Variants in PRR16 observed in about 807,000 individuals in gnomAD.
The protein encoded by PRR16 is proline rich 16.
A neutral mutation model predicts 18.2 loss-of-function variants in PRR16; 6 were observed. The ratio of observed to expected loss-of-function variants is 0.33; its 90% CI spans 0.18 to 0.65. The LOEUF is 0.65. PRR16 is among the 30% of genes least tolerant of loss of function. The pLI is 0.74. For synonymous variants in PRR16, 151 were observed against 147.8 expected (o/e 1.02, Z -0.16); for missense variants, 412 against 376.6 (o/e 1.09, Z -0.78).
chr5:120,667,585 G>T (rs1432076083), intron 1 of PRR16, among the ~76,000 whole-genome samples: 2 of 150,382 alleles, frequency 1.3e-5, no homozygotes, highest in East Asian at 3.9e-4. Context: ...TTCTCTTGTG[G>T]GCATTTAGTG....
chr5:120,671,201 C>A (rs1756590830), intron 1 of PRR16, among the ~76,000 whole-genome samples: 1 of 152,158 alleles, frequency 6.6e-6, no homozygotes, highest in Non-Finnish European at 1.5e-5. Flanking sequence ...AAATCTTCTT[C>A]TTTTACTGTG....
chr5:120,476,949 C>A (rs1393494476), intron 1 of PRR16, among the ~76,000 whole-genome samples: 6 of 152,142 alleles, frequency 3.9e-5, no homozygotes, highest in Non-Finnish European at 8.8e-5. Flanking sequence ...TTGTCAGTGA[C>A]TCCATGTTAT....
the PRR16 span, among the ~76,000 whole-genome samples, chr5:120,753,941 T>TAC: frequency 1.6e-4 from 1 of 6,342 alleles, no homozygotes; most frequent in Non-Finnish European, 4.2e-3. Context: ...TTATATATAA[T>TAC]ATATGTTATA....
At chr5:120,624,121 A>G (rs1260233561) in intron 1 of PRR16, among the ~76,000 whole-genome samples, 1 of 152,062 alleles carries the variant, frequency 6.6e-6, no homozygotes, top group Non-Finnish European at 1.5e-5. Context: ...CTCTTAATTC[A>G]CAGATAAGGA....
At chr5:120,783,998 CAT>C in the PRR16 span, among the ~76,000 whole-genome samples, 200 of 152,296 alleles carry the variant, frequency 1.3e-3, no homozygotes, top group Non-Finnish European at 1.8e-3. Flanking sequence ...TTTCACTTGA[CAT>C]AATGTCCTCC....
the PRR16 span, among the ~76,000 whole-genome samples, chr5:120,756,853 T>C: frequency 6.6e-6 from 1 of 152,222 alleles, no homozygotes; most frequent in South Asian, 2.1e-4. Flanking sequence ...TAGAACTTAG[T>C]ATAAATTCTT....
chr5:120,555,831 A>G (rs1297504528), intron 1 of PRR16, among the ~76,000 whole-genome samples: 3 of 147,212 alleles, frequency 2.0e-5, no homozygotes, highest in African/African-American at 7.6e-5. Context: ...TGAGTTTCTA[A>G]AAAAAAAAAA....
In PRR16 at chr5:120,520,976, G is replaced by C. The variant is rs114210538; in HGVS notation, c.159+56331G>C. Reference sequence around the variant, plus strand: ...AAATTTGTCCACAAGAGGCTTATTAGAAGTGCCACAGGAAACATCAATAAG... The same window carrying C: ...AAATTTGTCCACAAGAGGCTTATTACAAGTGCCACAGGAAACATCAATAAG... On this transcript the variant is annotated intron_variant, in intron 1 of 1. Coordinates refer to ENST00000407149, the MANE Select transcript of PRR16 (RefSeq NM_001300783.2). 3.0e-3 allele frequency among the ~76,000 whole-genome samples: 452 copies of C among 152,116 alleles called. 2 individuals are homozygous for C. Among genetic ancestry groups the C allele is most frequent in the African/African-American group, 0.011 (444 of 41,502 alleles).
chr5:120,568,293 G>A (rs1752798514), intron 1 of PRR16, among the ~76,000 whole-genome samples: 1 of 152,090 alleles, frequency 6.6e-6, no homozygotes, highest in Non-Finnish European at 1.5e-5. Context: ...CGATAGAGCT[G>A]GGATAGGGCC....
chr5:120,669,332 G>A (rs891682931), intron 1 of PRR16, among the ~76,000 whole-genome samples: 1 of 151,898 alleles, frequency 6.6e-6, no homozygotes. Flanking sequence ...ATAGTTCCCT[G>A]CTTGATGGTG....
At chr5:120,716,285 G>A in the PRR16 span, among the ~76,000 whole-genome samples, 1 of 152,132 alleles carries the variant, frequency 6.6e-6, no homozygotes, top group Non-Finnish European at 1.5e-5. Context: ...TCAGGTAGCA[G>A]CTCTGATTTC....
chr5:120,646,074 A>ATATATATATATC (rs1475860368), intron 1 of PRR16, among the ~76,000 whole-genome samples: 7 of 136,348 alleles, frequency 5.1e-5, no homozygotes, highest in Admixed American at 1.5e-4. Flanking sequence ...ATATATATAT[A>ATATATATATATC]TCATAGTTTC....
the PRR16 span, among the ~76,000 whole-genome samples, chr5:120,782,843 T>C: frequency 6.6e-6 from 1 of 152,164 alleles, no homozygotes; most frequent in Non-Finnish European, 1.5e-5. Context: ...CCAGTTCAGA[T>C]GAGAAGGGCA....
intron 1 of PRR16, among the ~76,000 whole-genome samples, chr5:120,668,384 C>T (rs1202678168): frequency 6.7e-6 from 1 of 149,598 alleles, no homozygotes; most frequent in African/African-American, 2.5e-5. Flanking sequence ...ATACAGCACA[C>T]TGATGGGTCT....
the PRR16 span, among the ~76,000 whole-genome samples, chr5:120,733,528 C>T: frequency 2.0e-5 from 3 of 152,100 alleles, no homozygotes; most frequent in African/African-American, 7.2e-5. Context: ...CCCCAAATCC[C>T]TATTTGTGCA....
At chr5:120,571,815 C>G (rs973109962) in intron 1 of PRR16, among the ~76,000 whole-genome samples, 3 of 152,112 alleles carry the variant, frequency 2.0e-5, no homozygotes, top group Admixed American at 1.3e-4. Context: ...CTGGGCAGTT[C>G]TGCTCCATGA....
At chr5:120,701,561 G>C in the PRR16 span, among the ~76,000 whole-genome samples, 2 of 152,316 alleles carry the variant, frequency 1.3e-5, no homozygotes, top group East Asian at 1.9e-4. Context: ...GACCAGGTGT[G>C]AGGAGGGGAG....
At chr5:120,787,004 C>T in the PRR16 span, among the ~76,000 whole-genome samples, 3 of 152,104 alleles carry the variant, frequency 2.0e-5, no homozygotes, top group African/African-American at 7.2e-5. Flanking sequence ...TAAGCCAAGT[C>T]ATTTCAAACA....
the PRR16 span, among the ~76,000 whole-genome samples, chr5:120,709,243 G>A: frequency 5.3e-5 from 8 of 151,682 alleles, no homozygotes; most frequent in East Asian, 3.9e-4. Context: ...TCCTGACCTC[G>A]TGATCTGCCC....
Sources: gnomAD v4.1 joint callset for allele counts (sites outside exome capture counted in the v4.1 genomes callset) on GRCh38, gnomAD v4.1.1 for gene constraint, MANE v1.5 for transcripts, NCBI Gene and HGNC (gene_info 2026-07-23, HGNC 2026-07-21) for gene names.